DMD: variants seen among roughly 807,000 people sequenced by gnomAD.
DMD encodes the protein mutant dystrophin.
DMD carries 63 observed loss-of-function variants against 330.1 expected under a neutral mutation model. The observed-to-expected ratio is 0.19, with a 90% CI of 0.16 to 0.24. The LOEUF is 0.24. DMD is among the 10% of genes least tolerant of loss of function. The pLI is 1.00. For synonymous variants in DMD, 1,223 were observed against 959.8 expected, an observed-to-expected ratio of 1.27 and a Z score of -5.07; for missense variants, 3,344 against 2,684.1, an observed-to-expected ratio of 1.25 and a Z score of -5.43.
chrX:32,726,694 G>GT (rs756373396), intron 7 of DMD, among the ~76,000 whole-genome samples: 5 of 110,540 alleles, frequency 4.5e-5, no homozygotes, highest in African/African-American at 6.6e-5. Flanking sequence ...TTTGTGGGAA[G>GT]TTTTTTTTAT....
intron 11 of DMD, among the ~76,000 whole-genome samples, chrX:32,629,304 A>T (rs1472935630): frequency 9.0e-5 from 10 of 110,811 alleles, no homozygotes; most frequent in African/African-American, 3.3e-4. Flanking sequence ...TTGTCTTGAA[A>T]CCTATTTTGT....
chrX:33,308,174 TGC>T (rs1403527330), intron 1 of DMD, among the ~76,000 whole-genome samples: 1 of 111,946 alleles, frequency 8.9e-6, no homozygotes, highest in Non-Finnish European at 1.9e-5. Flanking sequence ...GAAGTCTCTA[TGC>T]CAGACATTGT....
intron 52 of DMD, among the ~76,000 whole-genome samples, chrX:31,700,643 T>C (rs2083746764): frequency 8.9e-6 from 1 of 111,782 alleles, no homozygotes; most frequent in Non-Finnish European, 1.9e-5. Flanking sequence ...AATATCAACA[T>C]CCAGTCATAA....
At chrX:31,384,086 G>A (rs1440403249) in intron 60 of DMD, among the ~76,000 whole-genome samples, 1 of 111,250 alleles carries the variant, frequency 9.0e-6, no homozygotes, top group Non-Finnish European at 1.9e-5. Flanking sequence ...TTCAAGGGTC[G>A]CGGGCACCCT....
At chrX:33,186,961 C>T (rs984707775) in intron 1 of DMD, among the ~76,000 whole-genome samples, 3 of 111,986 alleles carry the variant, frequency 2.7e-5, no homozygotes, top group Non-Finnish European at 5.6e-5. Context: ...CTTAAGTATA[C>T]ATCTGAAAGC....
intron 42 of DMD, among the ~76,000 whole-genome samples, chrX:32,303,704 A>G (rs935901172): frequency 9.1e-6 from 1 of 110,467 alleles, no homozygotes; most frequent in Non-Finnish European, 1.9e-5. Context: ...GCCGTTGGGG[A>G]GTAGATCTAT....
intron 7 of DMD, among the ~76,000 whole-genome samples, chrX:32,772,867 C>A (rs896232766): frequency 8.9e-6 from 1 of 111,810 alleles, no homozygotes; most frequent in African/African-American, 3.2e-5. Context: ...ATAAACATAT[C>A]AAATTGTTTA....
chrX:31,911,449 AT>A (rs1362720318), intron 47 of DMD, among the ~76,000 whole-genome samples: 2 of 111,156 alleles, frequency 1.8e-5, no homozygotes, highest in Admixed American at 1.9e-4. Flanking sequence ...ATTGAAATAC[AT>A]TCTTAAATAA....
intron 44 of DMD, among the ~76,000 whole-genome samples, chrX:32,201,302 T>A (rs988323848): frequency 2.7e-5 from 3 of 111,894 alleles, no homozygotes; most frequent in African/African-American, 9.8e-5. Flanking sequence ...TATTGTATTG[T>A]AGTCACCTAT....
In DMD at chrX:32,388,773, T is replaced by C. The variant is rs369946155; in HGVS notation, c.4518+728A>G. 2.4e-3 allele frequency among the ~76,000 whole-genome samples: 263 copies of C among 110,891 alleles called. 2 individuals carry two copies. The highest frequency in any genetic ancestry group is 8.1e-3 in the African/African-American group (248 of 30,592). On this transcript the variant is annotated intron_variant, in intron 32 of 78. Transcript: ENST00000357033. ...TCCCACTCTAATGGCCGATAGTACA[T>C]GTAGAGTTATAATAATACTTATGTT...
intron 44 of DMD, among the ~76,000 whole-genome samples, chrX:32,119,258 T>A (rs767350680): frequency 6.7e-5 from 7 of 103,735 alleles, no homozygotes; most frequent in Non-Finnish European, 1.2e-4. Context: ...CACCTGAACC[T>A]GGGACGCGGA....
chrX:31,658,223 G>A (rs112088944), intron 53 of DMD, 79 bp from the exon 54 acceptor site: 20 of 1,046,007 alleles, frequency 1.9e-5, no homozygotes, highest in Non-Finnish European at 2.4e-5. Flanking sequence ...AAAATACTTC[G>A]TAAACAGCTT....
At chrX:31,502,049 G>A (rs1008120541) in intron 56 of DMD, among the ~76,000 whole-genome samples, 7 of 110,878 alleles carry the variant, frequency 6.3e-5, no homozygotes, top group Non-Finnish European at 9.5e-5. Context: ...CAAATGGTGC[G>A]GAAAAACTGG....
chrX:32,976,369 G>A (rs1245789577), intron 2 of DMD, among the ~76,000 whole-genome samples: 1 of 111,491 alleles, frequency 9.0e-6, no homozygotes, highest in Non-Finnish European at 1.9e-5. Context: ...CCAGTAACAC[G>A]CAGGAAAGTC....
chrX:32,034,811 C>T lies in DMD; in HGVS notation c.6439-66297G>A, dbSNP rs1347050803. Among the ~76,000 whole-genome samples, 3 of 111,620 alleles carry T rather than the reference C, an allele frequency of 2.7e-5. No homozygotes were observed. In the Admixed American group the frequency reaches 2.9e-4, roughly 11 times the overall value. On this transcript the variant is annotated intron_variant, in intron 44 of 78. Transcript: ENST00000357033. ...GTTCTGGTAAAGGAAGATATGTACGCTATTTTCACCAATTAATTTTCATAA... is the reference window on the plus strand; with the variant it reads ...GTTCTGGTAAAGGAAGATATGTACGTTATTTTCACCAATTAATTTTCATAA...
intron 2 of DMD, among the ~76,000 whole-genome samples, chrX:32,888,372 C>T (rs1446448811): frequency 9.1e-6 from 1 of 110,474 alleles, no homozygotes; most frequent in South Asian, 3.9e-4. Flanking sequence ...CATGTCTCAA[C>T]GAGCATGTCT....
intron 44 of DMD, among the ~76,000 whole-genome samples, chrX:32,130,790 T>C (rs776019909): frequency 8.9e-6 from 1 of 112,459 alleles, no homozygotes; most frequent in South Asian, 3.7e-4. Flanking sequence ...AGTCCTTCTC[T>C]GGCTTCTCTG....
intron 6 of DMD, among the ~76,000 whole-genome samples, chrX:32,814,933 G>T (rs2077611911): frequency 9.0e-6 from 1 of 111,195 alleles, no homozygotes; most frequent in Non-Finnish European, 1.9e-5. Context: ...ATATTTTCGG[G>T]CCCTTAGTGT....
At chrX:31,693,609 C>T (rs945803775) in intron 52 of DMD, among the ~76,000 whole-genome samples, 1 of 110,940 alleles carries the variant, frequency 9.0e-6, no homozygotes, top group African/African-American at 3.3e-5. Context: ...AAATCAGTAG[C>T]GATAACAATT....
Sources: gnomAD v4.1 joint callset for allele counts (sites outside exome capture counted in the v4.1 genomes callset) on GRCh38, gnomAD v4.1.1 for gene constraint, MANE v1.5 for transcripts, NCBI Gene and HGNC (gene_info 2026-07-23, HGNC 2026-07-21) for gene names.